The following UBN2 variants were observed in gnomAD, a reference collection of about 807,000 sequenced individuals.
UBN2 encodes the protein ubinuclein 2, also known as ubinuclein-2.
In UBN2, 35 loss-of-function variants were observed where a neutral mutation model predicts 120.2. That is an observed-to-expected ratio of 0.29 (90% confidence interval 0.22 to 0.39). The LOEUF is 0.39. Ranked by LOEUF, UBN2 falls within the 10% of genes least tolerant of loss-of-function variation. The probability of loss-of-function intolerance (pLI) is 1.00; values close to 1 mark genes in which losing one functional copy is unlikely to be tolerated. For synonymous variants in UBN2, 661 were observed against 648.7 expected (o/e 1.02, Z -0.29); for missense variants, 1,693 against 1,663.2 (o/e 1.02, Z -0.31).
chr7:139,328,910 G>A, the UBN2 span, among the ~76,000 whole-genome samples: 1 of 150,852 alleles, frequency 6.6e-6, no homozygotes, highest in Non-Finnish European at 1.5e-5. Context: ...AGAAACTAAA[G>A]ATTAAACTCA....
At chr7:139,325,870 G>A in the UBN2 span, among the ~76,000 whole-genome samples, 1 of 152,096 alleles carries the variant, frequency 6.6e-6, no homozygotes, top group African/African-American at 2.4e-5. Context: ...AATGGCTGGG[G>A]AGTGGAGGTA....
rs552906944 is a variant in UBN2 at position 139,273,367 on chromosome 7, G to A, written c.1786G>A (p.Val596Ile). 3.7e-6 allele frequency: 6 copies of A among 1,608,584 alleles called. No individual in the cohort carries two copies. The highest frequency in any genetic ancestry group is 1.7e-5 in the Admixed American group (1 of 59,786). ...EDDDEKPGKRVIGPRKKFHWD... is the reference protein window; with the variant it reads ...EDDDEKPGKRIIGPRKKFHWD... ...TGATGATGAGAAACCAGGAAAACGT[G>A]TCATAGGACCAAGAAAGAAATTCCA... The change falls in exon 10 of 18, where the codon GTC becomes ATC. Residue 596 changes from valine (V) to isoleucine (I), a missense_variant. Physicochemically the swap from Val to Ile is conservative, Grantham distance 29 (BLOSUM62 3). Around this residue, in one of 5 missense-constraint regions of UBN2, gnomAD observed 178 missense variants for 204.0 expected, o/e 0.87. Transcript: ENST00000473989.
In UBN2 at chr7:139,283,638, T is replaced by C. The variant is rs376955751; in HGVS notation, c.2733T>C (p.Ala911=). 79 of 1,614,058 alleles carry C rather than the reference T, an allele frequency of 4.9e-5. No homozygotes were observed. The highest frequency in any genetic ancestry group is 6.4e-5 in the Non-Finnish European group (75 of 1,180,036). ...CCCAAATTGCTGCCTCTTCTCATGC[T>C]CTGGGAACATCCGAGGCCCAAGATG... is the stretch of plus-strand genomic sequence containing the variant. The part of the protein sequence containing the change: ...SQAQIAASSH[A]LGTSEAQDAS... The change falls in exon 15 of 18, where the codon GCT becomes GCC. Residue 911 remains alanine (A), a synonymous_variant. Coordinates refer to ENST00000473989, the MANE Select transcript of UBN2 (RefSeq NM_173569.4).
At position 139,236,988 on chromosome 7, in the gene UBN2, C is replaced by T. The variant is rs1347486666; in HGVS notation, c.469-17C>T. ...TAATGGATACTTCTCTTTCTTTTCC[C>T]ATTCACCTTGAATCAGAAGAAGCTC... On this transcript the variant is annotated splice_polypyrimidine_tract_variant and intron_variant, in intron 1 of 17. Transcript: ENST00000473989. 1.3e-6 allele frequency: 2 copies of T among 1,553,038 alleles called. No homozygotes were observed. Among genetic ancestry groups the T allele is most frequent in the East Asian group, 2.3e-5 (1 of 44,222 alleles).
chr7:139,297,690 A>T, intron 17 of UBN2, 97 bp from the exon 18 acceptor site: 1 of 1,117,738 alleles, frequency 8.9e-7, no homozygotes, highest in Non-Finnish European at 1.3e-6. Context: ...GATGTCATCC[A>T]CAAAAGATAA....
chr7:139,257,842 A>G (rs1796807155), intron 3 of UBN2, among the ~76,000 whole-genome samples: 1 of 151,806 alleles, frequency 6.6e-6, no homozygotes. Context: ...CTCTTGTGCA[A>G]TGACGCAATC....
intron 2 of UBN2, among the ~76,000 whole-genome samples, chr7:139,241,816 GA>G (rs1796326277): frequency 6.6e-6 from 1 of 152,162 alleles, no homozygotes; most frequent in Non-Finnish European, 1.5e-5. Flanking sequence ...CCAACATGGT[GA>G]AACCTTTCTA....
rs1474581161 is a variant in UBN2 at position 139,261,724 on chromosome 7, A to G, written c.1378A>G (p.Ile460Val). ...EGLPVLLEKRIEDLRVAAKLF... is the reference protein window; with the variant it reads ...EGLPVLLEKRVEDLRVAAKLF... ...TCTACCTGTACTTCTTGAAAAACGT[A>G]TCGAAGACCTTCGTGTAGTAAGTGT... Residue 460 changes from isoleucine (I) to valine (V), a missense_variant, in exon 6 of 18, where the codon ATC becomes GTC. This residue lies in a region of UBN2 where 5 missense variants were observed against 16.1 expected (regional missense o/e 0.31). Transcript: ENST00000473989. The G allele has an allele frequency of 1.9e-6, 3 of 1,611,466 alleles. No homozygotes were observed. Among genetic ancestry groups the G allele is most frequent in the Non-Finnish European group, 2.5e-6 (3 of 1,177,886 alleles).
intron 5 of UBN2, among the ~76,000 whole-genome samples, chr7:139,259,724 T>C (rs748447583): frequency 1.3e-5 from 2 of 152,114 alleles, no homozygotes; most frequent in Non-Finnish European, 2.9e-5. Flanking sequence ...ATGTAAACAA[T>C]TTATGGTTGT....
At chr7:139,310,349 C>T (rs1284661560), downstream of UBN2, among the ~76,000 whole-genome samples, 1 of 151,380 alleles carries the variant, frequency 6.6e-6, no homozygotes, top group Non-Finnish European at 1.5e-5. Flanking sequence ...GAAAAAAGTA[C>T]AAAGTACATG....
intron 11 of UBN2, among the ~76,000 whole-genome samples, chr7:139,275,882 G>C (rs1797428824): frequency 1.3e-5 from 2 of 152,126 alleles, no homozygotes; most frequent in African/African-American, 4.8e-5. Flanking sequence ...AGCTGAGTTG[G>C]GAGGACCATT....
chr7:139,309,045 G>A (rs921660913), downstream of UBN2, among the ~76,000 whole-genome samples: 4 of 152,190 alleles, frequency 2.6e-5, no homozygotes, highest in Non-Finnish European at 2.9e-5. Flanking sequence ...CCAGCCTGGT[G>A]ACAGAGCGAG....
chr7:139,269,898 T>C (rs1393231652), intron 8 of UBN2, among the ~76,000 whole-genome samples: 1 of 151,126 alleles, frequency 6.6e-6, no homozygotes, highest in African/African-American at 2.4e-5. Context: ...AGCCTTAACC[T>C]CCTGGGCTCG....
intron 7 of UBN2, among the ~76,000 whole-genome samples, chr7:139,268,555 A>G (rs1797165136): frequency 1.3e-5 from 2 of 152,206 alleles, no homozygotes; most frequent in Non-Finnish European, 2.9e-5. Context: ...ACCCGGATCA[A>G]TAAATATACA....
Position 139,260,098 on chromosome 7 carries a change from C to CT in UBN2, c.905+740dup, listed in dbSNP as rs879456400. Reference sequence around the variant, plus strand: ...TTTTCATTGATTTTACATAGCTATTCTTTTTTTTTTTTCTCTTTTAGATAG... The same window carrying CT: ...TTTTCATTGATTTTACATAGCTATTCTTTTTTTTTTTTTCTCTTTTAGATAG... On this transcript the variant is annotated intron_variant, in intron 5 of 17. Transcript: ENST00000473989. Among the ~76,000 whole-genome samples, 303 of 142,950 alleles carry CT rather than the reference C, an allele frequency of 2.1e-3. 7 individuals are homozygous for CT. In the East Asian group the frequency reaches 0.027, roughly 13 times the overall value. The allele number at this position is 142,950 out of a possible 152,430, so 93.8% of individuals were successfully genotyped here.
chr7:139,297,724 G>A, intron 17 of UBN2, 63 bp from the exon 18 acceptor site: 1 of 1,508,824 alleles, frequency 6.6e-7, no homozygotes, highest in Non-Finnish European at 9.2e-7. Context: ...TTTTTGCTTT[G>A]TTTTTGTTAG....
chr7:139,322,389 C>G, the UBN2 span, among the ~76,000 whole-genome samples: 1 of 152,228 alleles, frequency 6.6e-6, no homozygotes, highest in Non-Finnish European at 1.5e-5. Context: ...AAGAACGTAT[C>G]ATTACAACTG....
At chr7:139,232,075 C>CG in intron 1 of UBN2, 123 bp downstream of exon 1, 5 of 877,774 alleles carry the variant, frequency 5.7e-6, no homozygotes, top group East Asian at 3.3e-5. Context: ...GGGTGGGGTG[C>CG]GGGGGGCCGG....
intron 5 of UBN2, among the ~76,000 whole-genome samples, chr7:139,260,430 A>G (rs563518327): frequency 6.6e-6 from 1 of 152,314 alleles, no homozygotes; most frequent in Non-Finnish European, 1.5e-5. Context: ...TATTGCTGCT[A>G]AAAAACAAAT....
Sources: gnomAD v4.1 joint callset for allele counts (sites outside exome capture counted in the v4.1 genomes callset) on GRCh38, gnomAD v4.1.1 for gene constraint, gnomAD v4.1.1 regional missense constraint, MANE v1.5 for transcripts, NCBI Gene and HGNC (gene_info 2026-07-23, HGNC 2026-07-21) for gene names.